The following SNTG1 variants were observed in gnomAD, a reference collection of about 807,000 sequenced individuals.
SNTG1 encodes the protein syntrophin gamma 1.
Under a neutral mutation model 74.7 loss-of-function variants are expected in SNTG1, and 39 were observed. That is an observed-to-expected ratio of 0.52 (90% CI 0.40 to 0.68). The LOEUF (loss-of-function observed/expected upper bound fraction) is 0.68, where lower values mean the gene tolerates loss of function less well. Among genes scored for constraint, SNTG1 ranks in the 30% least tolerant of loss-of-function variants. The pLI, the probability that SNTG1 is intolerant of heterozygous loss-of-function variation, is 0.00. For missense variants in SNTG1, 685 were observed against 609.5 expected (o/e 1.12, Z -1.30); for synonymous variants, 254 against 217.1 (o/e 1.17, Z -1.49).
intron 1 of SNTG1, among the ~76,000 whole-genome samples, chr8:50,000,797 T>G (rs762558361): frequency 6.6e-6 from 1 of 152,350 alleles, no homozygotes; most frequent in Non-Finnish European, 1.5e-5. Context: ...GCTAGAGTCC[T>G]ATAGATCTGG....
In SNTG1 at chr8:50,574,705, A is replaced by G. The variant is rs533292912; in HGVS notation, c.811-16174A>G. Among the ~76,000 whole-genome samples, 8 of 152,260 alleles carry G rather than the reference A, an allele frequency of 5.3e-5. No individual in the cohort carries two copies. The South Asian group carries it at 1.4e-3, about 28-fold the overall frequency. On this transcript the variant is annotated intron_variant, in intron 12 of 18. Transcript: ENST00000642720. ...TAATAGATGTTTGGTTTTTTTGTGT[A>G]TATTATATAATAACTTACGAATGGT...
chr8:49,938,600 T>TTC (rs1401272009), intron 1 of SNTG1, among the ~76,000 whole-genome samples: 1 of 56,332 alleles, frequency 1.8e-5, no homozygotes, highest in African/African-American at 6.7e-5. Flanking sequence ...TTCTTTTCTT[T>TTC]TCTTTTCTTT....
intron 2 of SNTG1, among the ~76,000 whole-genome samples, chr8:50,216,993 A>G (rs921496427): frequency 1.3e-5 from 2 of 151,620 alleles, no homozygotes; most frequent in African/African-American, 4.8e-5. Context: ...AAGCAATTCA[A>G]GGGTAAATTT....
intron 1 of SNTG1, among the ~76,000 whole-genome samples, chr8:50,041,974 C>G (rs1034989764): frequency 2.6e-5 from 4 of 152,148 alleles, no homozygotes; most frequent in Admixed American, 6.5e-5. Flanking sequence ...AGATGTTCCT[C>G]AACTTACAAT....
chr8:50,233,497 G>A (rs2085736221), intron 2 of SNTG1, among the ~76,000 whole-genome samples: 1 of 151,512 alleles, frequency 6.6e-6, no homozygotes, highest in Admixed American at 6.6e-5. Flanking sequence ...AAAATACTAG[G>A]ACCTAGAGTT....
chr8:50,570,582 A>ATTGTTG (rs1428185346), intron 12 of SNTG1, among the ~76,000 whole-genome samples: 10 of 33,362 alleles, frequency 3.0e-4, no homozygotes, highest in Admixed American at 1.7e-3. Context: ...TATTATTATT[A>ATTGTTG]TTATTGTTGT....
intron 8 of SNTG1, among the ~76,000 whole-genome samples, chr8:50,461,858 A>G (rs1394410707): frequency 2.0e-5 from 3 of 152,102 alleles, no homozygotes; most frequent in African/African-American, 7.2e-5. Context: ...TGCCTTTATT[A>G]GAGAATGGTA....
chr8:50,787,782 G>T (rs965730225), intron 18 of SNTG1, among the ~76,000 whole-genome samples: 7 of 152,076 alleles, frequency 4.6e-5, no homozygotes, highest in Middle Eastern at 3.4e-3. Context: ...TATATGAAAT[G>T]TCCACAAAAA....
chr8:50,467,726 C>A (rs2093620367), intron 8 of SNTG1, among the ~76,000 whole-genome samples: 1 of 151,812 alleles, frequency 6.6e-6, no homozygotes, highest in Non-Finnish European at 1.5e-5. Context: ...ATTGTGAGAG[C>A]TTAGATCATT....
intron 2 of SNTG1, among the ~76,000 whole-genome samples, chr8:50,178,345 C>A (rs1017031508): frequency 6.8e-6 from 1 of 148,058 alleles, no homozygotes; most frequent in Non-Finnish European, 1.5e-5. Context: ...TTCTTCTGGT[C>A]TCTTCCTCCT....
intron 17 of SNTG1, among the ~76,000 whole-genome samples, chr8:50,713,348 T>C (rs1205477397): frequency 6.6e-6 from 1 of 152,144 alleles, no homozygotes; most frequent in Non-Finnish European, 1.5e-5. Flanking sequence ...TTGATGGGGT[T>C]GTTTGTTTTT....
intron 11 of SNTG1, 64 bp from the exon 12 acceptor site, chr8:50,552,986 A>C: frequency 6.3e-7 from 1 of 1,591,776 alleles, no homozygotes; most frequent in Non-Finnish European, 8.6e-7. Flanking sequence ...AACAGATACT[A>C]TTACGAGCTG....
intron 15 of SNTG1, among the ~76,000 whole-genome samples, chr8:50,685,552 T>G (rs2095348898): frequency 6.6e-6 from 1 of 152,238 alleles, no homozygotes; most frequent in Non-Finnish European, 1.5e-5. Context: ...TGTCATTTGG[T>G]CTTTTCAAAC....
chr8:50,264,750 T>A (rs919783521), intron 2 of SNTG1, among the ~76,000 whole-genome samples: 5 of 151,552 alleles, frequency 3.3e-5, no homozygotes, highest in African/African-American at 1.2e-4. Context: ...TATAAAACAT[T>A]TAAATAGAGA....
chr8:50,392,068 G>C (rs2092669847), intron 2 of SNTG1, among the ~76,000 whole-genome samples: 1 of 152,128 alleles, frequency 6.6e-6, no homozygotes, highest in Non-Finnish European at 1.5e-5. Context: ...ACTGAAAACA[G>C]ACAGTAAGGA....
chr8:50,357,073 T>TC (rs895991956), intron 2 of SNTG1, among the ~76,000 whole-genome samples: 5 of 152,196 alleles, frequency 3.3e-5, no homozygotes, highest in African/African-American at 1.2e-4. Flanking sequence ...TGGTTGGCCT[T>TC]CCCTCCGTGG....
chr8:50,289,180 T>G (rs975072093), intron 2 of SNTG1, among the ~76,000 whole-genome samples: 2 of 152,178 alleles, frequency 1.3e-5, no homozygotes, highest in Non-Finnish European at 2.9e-5. Context: ...AATCCTTGGT[T>G]GTATGCGGTA....
At chr8:49,970,689 A>G (rs1052090014) in intron 1 of SNTG1, among the ~76,000 whole-genome samples, 15 of 152,214 alleles carry the variant, frequency 9.9e-5, no homozygotes, top group African/African-American at 3.6e-4. Context: ...ATGTCTCTAG[A>G]GAAGAACATT....
rs58747692 is a variant in SNTG1, at chr8:50,373,345, A to G, written c.-27-20867A>G. Among the ~76,000 whole-genome samples the G allele has an allele frequency of 8.6e-3, 1,310 of 152,320 alleles. 23 individuals carry two copies. The highest frequency in any genetic ancestry group is 0.03 in the African/African-American group (1,240 of 41,568). The stretch of plus-strand genomic sequence containing the variant: ...TCAAATATGGTAGGTCACTGTTTAA[A>G]TTGTTGAGTAAATCTCACTTGTTAA... On this transcript the variant is annotated intron_variant, in intron 2 of 18. Coordinates refer to ENST00000642720, the MANE Select transcript of SNTG1 (RefSeq NM_018967.5).
Sources: allele counts gnomAD v4.1 joint callset (sites outside exome capture counted in the v4.1 genomes callset), GRCh38; gene constraint gnomAD v4.1.1; transcripts MANE v1.5; gene names NCBI Gene and HGNC (gene_info 2026-07-23, HGNC 2026-07-21).